Variants in PTPRG observed in about 807,000 individuals in gnomAD.
PTPRG encodes the protein protein tyrosine phosphatase receptor type G, also known as receptor-type tyrosine-protein phosphatase gamma.
Under a neutral mutation model 165.3 loss-of-function variants are expected in PTPRG, and 102 were observed. The ratio of observed to expected loss-of-function variants is 0.62; its 90% CI spans 0.53 to 0.73. The LOEUF (loss-of-function observed/expected upper bound fraction) is 0.73. Ranked by LOEUF, PTPRG falls within the 30% of genes least tolerant of loss-of-function variation. The pLI is 0.00. For missense variants in PTPRG, 1,866 were observed against 1,861.4 expected (o/e 1.00, Z -0.05); for synonymous variants, 675 against 669.5 (o/e 1.01, Z -0.13).
chr3:62,012,946 T>G (rs1394369800), intron 4 of PTPRG, among the ~76,000 whole-genome samples: 1 of 152,246 alleles, frequency 6.6e-6, no homozygotes, highest in Non-Finnish European at 1.5e-5. Flanking sequence ...CTTCAGTCTA[T>G]TTTTAATCAC....
At chr3:61,827,009 A>G (rs184011392) in intron 2 of PTPRG, among the ~76,000 whole-genome samples, 247 of 152,268 alleles carry the variant, frequency 1.6e-3, no homozygotes, top group Admixed American at 4.6e-3. Context: ...CTCAAACTCA[A>G]TCAGGCAACT....
chr3:61,618,357 G>T (rs986392654), intron 1 of PTPRG, among the ~76,000 whole-genome samples: 2 of 152,062 alleles, frequency 1.3e-5, no homozygotes, highest in Admixed American at 1.3e-4. Flanking sequence ...AGCATGAGAG[G>T]GGGGTGTGTG....
chr3:61,568,106 T>C (rs1466828285), intron 1 of PTPRG, among the ~76,000 whole-genome samples: 7 of 152,214 alleles, frequency 4.6e-5, no homozygotes, highest in Admixed American at 2.6e-4. Flanking sequence ...AAAAGAGTTA[T>C]CGGACTTGGC....
At chr3:61,578,512 A>G (rs1482045839) in intron 1 of PTPRG, among the ~76,000 whole-genome samples, 3 of 152,228 alleles carry the variant, frequency 2.0e-5, no homozygotes, top group Non-Finnish European at 4.4e-5. Context: ...GTGTAGAGAC[A>G]TCCAAAATCC....
intron 2 of PTPRG, among the ~76,000 whole-genome samples, chr3:61,923,999 A>T (rs968234055): frequency 6.6e-6 from 1 of 152,170 alleles, no homozygotes; most frequent in Non-Finnish European, 1.5e-5. Flanking sequence ...AGACATTTTT[A>T]GAGGTTTCTT....
intron 15 of PTPRG, among the ~76,000 whole-genome samples, chr3:62,249,877 CAGGCT>C (rs1195816908): frequency 6.6e-6 from 1 of 152,070 alleles, no homozygotes; most frequent in Non-Finnish European, 1.5e-5. Context: ...AGGAAGAACC[CAGGCT>C]TTGGAGTCTG....
At chr3:61,712,747 G>A (rs930858032) in intron 1 of PTPRG, among the ~76,000 whole-genome samples, 1 of 152,158 alleles carries the variant, frequency 6.6e-6, no homozygotes, top group African/African-American at 2.4e-5. Flanking sequence ...TTATAGCACG[G>A]TGAGAATGGA....
intron 15 of PTPRG, among the ~76,000 whole-genome samples, chr3:62,250,383 G>A (rs758228090): frequency 6.6e-6 from 1 of 152,162 alleles, no homozygotes; most frequent in African/African-American, 2.4e-5. Flanking sequence ...TGAGTTACAT[G>A]CTAATGGCCT....
chr3:61,654,971 G>A (rs1465813984), intron 1 of PTPRG, among the ~76,000 whole-genome samples: 1 of 151,102 alleles, frequency 6.6e-6, no homozygotes, highest in Non-Finnish European at 1.5e-5. Flanking sequence ...TTTTTTAGTA[G>A]AGACGGGGTT....
At chr3:61,641,699 T>G (rs1440392708) in intron 1 of PTPRG, among the ~76,000 whole-genome samples, 1 of 152,192 alleles carries the variant, frequency 6.6e-6, no homozygotes, top group Non-Finnish European at 1.5e-5. Context: ...TGTCAACAGA[T>G]GTCTTCATGA....
chr3:62,011,456 G>A (rs2041421581), intron 4 of PTPRG, among the ~76,000 whole-genome samples: 1 of 152,200 alleles, frequency 6.6e-6, no homozygotes, highest in African/African-American at 2.4e-5. Flanking sequence ...CCTCTTCATG[G>A]AGCGTGGACG....
At chr3:61,989,225 A>T (rs1161491764) in intron 2 of PTPRG, among the ~76,000 whole-genome samples, 1 of 152,092 alleles carries the variant, frequency 6.6e-6, no homozygotes, top group Non-Finnish European at 1.5e-5. Flanking sequence ...GGCTAAGAAG[A>T]AAGTTGTATT....
intron 2 of PTPRG, among the ~76,000 whole-genome samples, chr3:61,854,835 T>TA (rs1553682197): frequency 6.6e-6 from 1 of 152,222 alleles, no homozygotes; most frequent in Non-Finnish European, 1.5e-5. Context: ...GACAGTGTGA[T>TA]AGAGAAGGTT....
chr3:61,621,033 G>GTGTATATATA (rs767786792), intron 1 of PTPRG, among the ~76,000 whole-genome samples: 8 of 129,988 alleles, frequency 6.2e-5, no homozygotes, highest in Non-Finnish European at 1.3e-4. Flanking sequence ...GTGTGTGTGT[G>GTGTATATATA]TATATATATA....
chr3:61,946,118 C>T (rs377628544), intron 2 of PTPRG, among the ~76,000 whole-genome samples: 25 of 152,202 alleles, frequency 1.6e-4, no homozygotes, highest in African/African-American at 6.0e-4. Flanking sequence ...AAAAACTTGG[C>T]CACAATATTA....
chr3:62,119,917 A>G (rs1703003479), intron 5 of PTPRG, among the ~76,000 whole-genome samples: 1 of 150,782 alleles, frequency 6.6e-6, no homozygotes, highest in Non-Finnish European at 1.5e-5. Flanking sequence ...TACAGGCGTG[A>G]GCCACCGTGC....
chr3:61,800,072 T>G (rs1172289282), intron 2 of PTPRG, among the ~76,000 whole-genome samples: 3 of 151,896 alleles, frequency 2.0e-5, no homozygotes, highest in Admixed American at 2.0e-4. Context: ...GGAAATAGAG[T>G]GAAAAATAAA....
chr3:61,674,222 C>G (rs1703138689), intron 1 of PTPRG, among the ~76,000 whole-genome samples: 2 of 151,774 alleles, frequency 1.3e-5, no homozygotes, highest in African/African-American at 4.8e-5. Flanking sequence ...TGAGAAAAGC[C>G]TATTGAATGT....
At chr3:62,260,057 A>G (rs1701647675) in intron 16 of PTPRG, among the ~76,000 whole-genome samples, 1 of 152,172 alleles carries the variant, frequency 6.6e-6, no homozygotes, top group African/African-American at 2.4e-5. Flanking sequence ...AGGAGAGAGT[A>G]GGGGCTGGAA....
Sources: gnomAD v4.1 joint callset for allele counts (sites outside exome capture counted in the v4.1 genomes callset) on GRCh38, gnomAD v4.1.1 for gene constraint, MANE v1.5 for transcripts, NCBI Gene and HGNC (gene_info 2026-07-23, HGNC 2026-07-21) for gene names.